MAGI1: variants seen among roughly 807,000 people sequenced by gnomAD.
MAGI1 encodes membrane associated guanylate kinase, WW and PDZ domain containing 1, also known as membrane-associated guanylate kinase, WW and PDZ domain-containing protein 1.
In MAGI1, 58 loss-of-function variants were observed where a neutral mutation model predicts 139.9. The ratio of observed to expected loss-of-function variants is 0.41; its 90% CI spans 0.34 to 0.52. MAGI1 has a LOEUF of 0.52. MAGI1 is among the 20% of genes least tolerant of loss of function. The pLI is 0.12. For synonymous variants in MAGI1, 812 were observed against 737.9 expected, an observed-to-expected ratio of 1.10 and a Z score of -1.63; for missense variants, 1,874 against 1,901.6, an observed-to-expected ratio of 0.99 and a Z score of 0.27.
intron 5 of MAGI1, among the ~76,000 whole-genome samples, chr3:65,468,367 CTTTTTTTTT>C (rs71102860): frequency 1.6e-5 from 1 of 61,364 alleles, no homozygotes; most frequent in South Asian, 8.6e-4. Flanking sequence ...AGAGGGTATT[CTTTTTTTTT>C]TTTTTTTTTT....
At chr3:65,545,825 C>T (rs1223815800) in intron 2 of MAGI1, among the ~76,000 whole-genome samples, 3 of 151,974 alleles carry the variant, frequency 2.0e-5, no homozygotes, top group African/African-American at 7.3e-5. Flanking sequence ...GGCACTTAGC[C>T]ATGGCGAGAA....
At chr3:65,751,613 A>G (rs1193730027) in intron 1 of MAGI1, among the ~76,000 whole-genome samples, 1 of 152,196 alleles carries the variant, frequency 6.6e-6, no homozygotes, top group Non-Finnish European at 1.5e-5. Flanking sequence ...AAAGAGAGAG[A>G]TGACAAAGGC....
At chr3:65,498,345 C>T (rs529580134) in intron 2 of MAGI1, among the ~76,000 whole-genome samples, 2 of 151,714 alleles carry the variant, frequency 1.3e-5, no homozygotes, top group Admixed American at 1.3e-4. Flanking sequence ...ACAATACTGC[C>T]TTCTCTTTTT....
At chr3:65,768,287 G>A (rs1180644663) in intron 1 of MAGI1, among the ~76,000 whole-genome samples, 5 of 152,072 alleles carry the variant, frequency 3.3e-5, no homozygotes, top group African/African-American at 7.2e-5. Context: ...AGGTATGGTG[G>A]TGCCCACCTG....
chr3:65,382,435 T>C (rs1463161500), intron 15 of MAGI1, among the ~76,000 whole-genome samples: 1 of 152,212 alleles, frequency 6.6e-6, no homozygotes, highest in Admixed American at 6.5e-5. Flanking sequence ...AATATTACTT[T>C]TATTTAAGGG....
chr3:65,462,617 A>G (rs928865265), intron 5 of MAGI1, among the ~76,000 whole-genome samples: 1 of 152,162 alleles, frequency 6.6e-6, no homozygotes, highest in Admixed American at 6.5e-5. Flanking sequence ...TTCTGGTTCT[A>G]TATGAAATTT....
chr3:65,423,391 C>A (rs938361993), intron 12 of MAGI1, among the ~76,000 whole-genome samples: 3 of 152,204 alleles, frequency 2.0e-5, no homozygotes, highest in Non-Finnish European at 4.4e-5. Flanking sequence ...CGCGCACACA[C>A]ACACACACAG....
At chr3:65,616,257 G>A (rs2083363254) in intron 2 of MAGI1, among the ~76,000 whole-genome samples, 1 of 152,146 alleles carries the variant, frequency 6.6e-6, no homozygotes, top group South Asian at 2.1e-4. Flanking sequence ...GTAGGTGGGA[G>A]GAGTCCCCGT....
intron 1 of MAGI1, among the ~76,000 whole-genome samples, chr3:65,685,981 C>G (rs2087991101): frequency 6.6e-6 from 1 of 152,218 alleles, no homozygotes; most frequent in Admixed American, 6.5e-5. Flanking sequence ...CAAAACAAAT[C>G]TGTCAGCTGC....
At chr3:65,816,955 A>C (rs1004693671) in intron 1 of MAGI1, among the ~76,000 whole-genome samples, 7 of 152,220 alleles carry the variant, frequency 4.6e-5, no homozygotes, top group Admixed American at 1.3e-4. Context: ...AAATAATTTA[A>C]TGATAGCGGA....
At chr3:65,705,288 GT>G (rs1460809047) in intron 1 of MAGI1, among the ~76,000 whole-genome samples, 1 of 146,214 alleles carries the variant, frequency 6.8e-6, no homozygotes, top group Non-Finnish European at 1.5e-5. Flanking sequence ...ATTTCACAAA[GT>G]GGTTAACATT....
chr3:65,588,484 T>G (rs933167783), intron 2 of MAGI1, among the ~76,000 whole-genome samples: 7 of 152,196 alleles, frequency 4.6e-5, no homozygotes, highest in African/African-American at 1.7e-4. Context: ...GACTATGCCC[T>G]TCAGTGTGAA....
chr3:65,390,298 C>A (rs556123475), intron 14 of MAGI1, among the ~76,000 whole-genome samples: 59 of 152,268 alleles, frequency 3.9e-4, no homozygotes, highest in Non-Finnish European at 6.9e-4. Context: ...CATCACAACA[C>A]CTCTCTCCTA....
chr3:65,760,682 C>A (rs2036947101), intron 1 of MAGI1, among the ~76,000 whole-genome samples: 1 of 152,158 alleles, frequency 6.6e-6, no homozygotes, highest in African/African-American at 2.4e-5. Context: ...GGTAGGGTTA[C>A]AGGCACGAGC....
At position 65,391,168 on chromosome 3, in the gene MAGI1, T is replaced by C; in HGVS notation, c.2390A>G (p.Gln797Arg). The change falls in exon 14 of 23, where the codon CAG becomes CGG. Residue 797 changes from glutamine (Q) to arginine (R), a missense_variant. Coordinates refer to ENST00000402939, the MANE Select transcript of MAGI1 (RefSeq NM_001033057.2). The part of the protein sequence containing the change: ...KKPDPFKIWA[Q>R]SRSMYENRLP... ...TCGGTTTTCATACATGCTCCTGGAC[T>C]GGGCCCAGATTTTAAAAGGATCTGG... The C allele has an allele frequency of 1.2e-6, 2 of 1,614,226 alleles. No homozygotes were observed. Among genetic ancestry groups the C allele is most frequent in the Admixed American group, 1.7e-5 (1 of 60,032 alleles).
intron 1 of MAGI1, among the ~76,000 whole-genome samples, chr3:65,836,563 G>A (rs1198899877): frequency 6.6e-6 from 1 of 152,166 alleles, no homozygotes; most frequent in Non-Finnish European, 1.5e-5. Context: ...GCTCACGCCT[G>A]TAATCTCAGC....
At chr3:65,909,337 C>A (rs2108661771) in intron 1 of MAGI1, among the ~76,000 whole-genome samples, 1 of 148,836 alleles carries the variant, frequency 6.7e-6, no homozygotes, top group Middle Eastern at 3.5e-3. Flanking sequence ...TCAGCCTGCA[C>A]AACAAAGTTG....
intron 2 of MAGI1, among the ~76,000 whole-genome samples, chr3:65,574,347 G>A (rs968879483): frequency 1.4e-5 from 2 of 146,826 alleles, no homozygotes; most frequent in Non-Finnish European, 3.0e-5. Context: ...GATATTTTCA[G>A]GAACAAAAAT....
At chr3:65,807,095 G>A (rs2040908342) in intron 1 of MAGI1, among the ~76,000 whole-genome samples, 1 of 152,162 alleles carries the variant, frequency 6.6e-6, no homozygotes, top group Non-Finnish European at 1.5e-5. Flanking sequence ...ACATTTTATA[G>A]TAAAGAAACT....
Sources: allele counts gnomAD v4.1 joint callset (sites outside exome capture counted in the v4.1 genomes callset), GRCh38; gene constraint gnomAD v4.1.1; transcripts MANE v1.5; gene names NCBI Gene and HGNC (gene_info 2026-07-23, HGNC 2026-07-21).